The following BRD4 variants were observed in gnomAD, a reference collection of about 807,000 sequenced individuals.
BRD4 encodes bromodomain-containing protein 4.
BRD4 carries 16 observed loss-of-function variants against 142.1 expected under a neutral mutation model. That is an observed-to-expected ratio of 0.11 (90% CI 0.08 to 0.17). BRD4 has a LOEUF of 0.17. Ranked by LOEUF, BRD4 falls within the 10% of genes least tolerant of loss-of-function variation. The pLI, the probability that BRD4 is intolerant of heterozygous loss-of-function variation, is 1.00. For synonymous variants in BRD4, 833 were observed against 707.5 expected (o/e 1.18, Z -2.82); for missense variants, 1,424 against 1,810.9 (o/e 0.79, Z 3.88).
In BRD4 at chr19:15,239,614, C is replaced by T; in HGVS notation, c.3445+45G>A. On this transcript the variant is annotated intron_variant, in intron 16 of 19. Transcript: ENST00000679869. This position sits in a 1 kb window ranked among gnomAD's most constrained non-coding sequence, Gnocchi z 7.4. Reference sequence around the variant, plus strand: ...ACAGCAAGCTTATGTCCAACACGGGCCTCGGGGGGCCTGAGCCCTGGCTGT... The same window carrying T: ...ACAGCAAGCTTATGTCCAACACGGGTCTCGGGGGGCCTGAGCCCTGGCTGT... 1 of 1,556,764 alleles carries T rather than the reference C, an allele frequency of 6.4e-7. No homozygotes were observed. Among genetic ancestry groups the T allele is most frequent in the Non-Finnish European group, 8.6e-7 (1 of 1,160,052 alleles).
chr19:15,268,944 G>A lies in BRD4; in HGVS notation c.384C>T (p.Asp128=). 6.2e-7 allele frequency: 1 copy of A among 1,614,196 alleles called. No homozygotes were observed. The highest frequency in any genetic ancestry group is 2.2e-5 in the East Asian group (1 of 44,884). Residue 128 remains aspartate (D), a synonymous_variant, in exon 3 of 20, where the codon GAC becomes GAT. Coordinates refer to ENST00000679869, the MANE Select transcript of BRD4 (RefSeq NM_001379291.1). The part of the protein sequence containing the change: ...YYWNAQECIQ[D]FNTMFTNCYI... ...AACAATTTGTAAACATAGTGTTGAA[G>A]TCCTGGATACATTCCTGAGCATTCC...
chr19:15,261,321 TA>T (rs919389662), intron 7 of BRD4, among the ~76,000 whole-genome samples: 8 of 151,930 alleles, frequency 5.3e-5, no homozygotes, highest in African/African-American at 1.9e-4. Context: ...CCCTCTCTAC[TA>T]AAAAACAAAA....
intron 7 of BRD4, among the ~76,000 whole-genome samples, chr19:15,260,339 A>C (rs933244021): frequency 5.9e-5 from 9 of 152,246 alleles, no homozygotes; most frequent in Non-Finnish European, 1.0e-4. Flanking sequence ...GCTCCTGAAG[A>C]AGTGAGCAAG....
At chr19:15,312,555 G>A (rs771529883) in intron 1 of BRD4, among the ~76,000 whole-genome samples, 13 of 151,856 alleles carry the variant, frequency 8.6e-5, no homozygotes, top group Non-Finnish European at 1.5e-4. Context: ...TTGCTTGAAC[G>A]CGGGAGGCGG....
chr19:15,308,066 T>A lies in BRD4; in HGVS notation c.-35+24224A>T, dbSNP rs530128779. ...GAAACAGGCTGCAGTGAGCCAAGAC[T>A]GTGCCACTGCACTCCAGCCTGCACA... On this transcript the variant is annotated intron_variant, in intron 1 of 19. Transcript: ENST00000679869. Among the ~76,000 whole-genome samples, 851 of 130,674 alleles carry A rather than the reference T, an allele frequency of 6.5e-3. 9 individuals are homozygous for A. The highest frequency in any genetic ancestry group is 0.024 in the African/African-American group (807 of 33,858). 85.7% of individuals were successfully genotyped at this position (130,674 alleles called of 152,430 possible).
At chr19:15,257,300 CCTGT>C in intron 7 of BRD4, 127 bp from the exon 8 acceptor site, 2 of 920,252 alleles carry the variant, frequency 2.2e-6, no homozygotes, top group Non-Finnish European at 3.2e-6. Context: ...GGATGGTGAT[CCTGT>C]CTCTTTGCTG....
chr19:15,246,372 C>T (rs2047286276), intron 11 of BRD4: 1 of 152,296 alleles, frequency 6.6e-6, no homozygotes, highest in Admixed American at 6.5e-5. Flanking sequence ...GCCAGGGCTT[C>T]TCTCCTGGCA....
chr19:15,242,919 C>T lies in BRD4; in HGVS notation c.3150G>A (p.Lys1050=). ...IQHHHSPRHH[K]SDPYSTGHLR... ...ACTTACCGGTTGAGTAGGGGTCCGA[C>T]TTGTGGTGCCGGGGTGAATGGTGGT... is the stretch of plus-strand genomic sequence containing the variant. Residue 1050 remains lysine (K), a synonymous_variant, in exon 14 of 20, where the codon AAG becomes AAA. Coordinates refer to ENST00000679869, the MANE Select transcript of BRD4 (RefSeq NM_001379291.1). 6.3e-7 allele frequency: 1 copy of T among 1,592,196 alleles called. No individual in the cohort carries two copies. Among genetic ancestry groups the T allele is most frequent in the Non-Finnish European group, 8.5e-7 (1 of 1,170,494 alleles).
At chr19:15,254,751 C>T (rs2047387308) in intron 10 of BRD4, among the ~76,000 whole-genome samples, 1 of 152,082 alleles carries the variant, frequency 6.6e-6, no homozygotes, top group Admixed American at 6.5e-5. Context: ...CCAAGGACCC[C>T]AGGAGCTAGT....
intron 1 of BRD4, among the ~76,000 whole-genome samples, chr19:15,308,912 G>C (rs775625303): frequency 6.6e-5 from 10 of 151,904 alleles, no homozygotes; most frequent in Admixed American, 5.3e-4. Context: ...CTACTTGGGA[G>C]CCTGAGGCAG....
At position 15,267,522 on chromosome 19, in the gene BRD4, T is replaced by C. The variant is rs200383598; in HGVS notation, c.453A>G (p.Glu151=). The change falls in exon 4 of 20, where the codon GAA becomes GAG. Residue 151 remains glutamate, a synonymous_variant. Transcript: ENST00000679869. ...KPGDDIVLMA[E]ALEKLFLQKI... is the part of the protein sequence containing the mutation. ...TTTGCAAGAAGAGCTTTTCCAGAGC[T>C]TCTGCCATTAAGACTATGTCATCTC... The C allele has an allele frequency of 1.2e-5, 19 of 1,613,984 alleles. No individual in the cohort carries two copies. The highest frequency in any genetic ancestry group is 1.5e-5 in the Non-Finnish European group (18 of 1,180,034).
rs904959433 is a variant in BRD4, at chr19:15,236,219, T to C, written c.*2158A>G. The C allele has an allele frequency of 6.6e-6, 1 of 152,184 alleles. No individual in the cohort carries two copies. Among genetic ancestry groups the C allele is most frequent in the Non-Finnish European group, 1.5e-5 (1 of 68,050 alleles). 9.4% of individuals were successfully genotyped at this position (152,184 alleles called of 1,614,324 possible). On this transcript the variant is annotated 3_prime_UTR_variant, in exon 20 of 20. Transcript: ENST00000679869. ...CAATCAGTTTGTCTCTGCATACATA[T>C]AAATTATATACTTGTATCTTACATC... is the stretch of plus-strand genomic sequence containing the variant.
intron 1 of BRD4, among the ~76,000 whole-genome samples, chr19:15,309,976 G>A (rs1238968328): frequency 2.0e-5 from 3 of 152,148 alleles, no homozygotes; most frequent in Non-Finnish European, 2.9e-5. Context: ...GTCTGCTCAA[G>A]AGTTGGTAAG....
chr19:15,317,921 G>A (rs1240173503), intron 1 of BRD4, among the ~76,000 whole-genome samples: 2 of 152,230 alleles, frequency 1.3e-5, no homozygotes, highest in African/African-American at 4.8e-5. Context: ...TCAGCTGAAT[G>A]GTTTCCTACT....
At chr19:15,321,739 A>G (rs2048062940) in intron 1 of BRD4, among the ~76,000 whole-genome samples, 1 of 152,214 alleles carries the variant, frequency 6.6e-6, no homozygotes, top group Admixed American at 6.5e-5. Context: ...GAATAAAGTT[A>G]GGAGAATAAC....
chr19:15,241,937 C>G (rs1343732611), intron 14 of BRD4, among the ~76,000 whole-genome samples: 3 of 151,822 alleles, frequency 2.0e-5, no homozygotes, highest in African/African-American at 7.3e-5. Context: ...CTCAGCCTCC[C>G]AAGTGGCTGG....
rs2047195126 is a variant in BRD4 at position 15,236,809 on chromosome 19, C to G, written c.*1568G>C. 5.6e-6 allele frequency: 1 copy of G among 179,850 alleles called. No homozygotes were observed. The highest frequency in any genetic ancestry group is 1.2e-5 in the Non-Finnish European group (1 of 84,212). The allele number at this position is 179,850 out of a possible 1,614,324, so 11.1% of individuals were successfully genotyped here. A position where few individuals can be genotyped will look rare whatever the true frequency, so the allele number is the denominator to read the frequency against. ...GGCCTAGCCTAGGCAACAGTTGGTT[C>G]ACAAAGAAATGTCAGGGAGACGCCA... is the stretch of plus-strand genomic sequence containing the variant. On this transcript the variant is annotated 3_prime_UTR_variant, in exon 20 of 20. Coordinates refer to ENST00000679869, the MANE Select transcript of BRD4 (RefSeq NM_001379291.1).
chr19:15,254,302 G>A (rs201459406), intron 10 of BRD4, 40 bp from the exon 11 acceptor site: 2 of 1,566,214 alleles, frequency 1.3e-6, no homozygotes, highest in East Asian at 2.2e-5. Flanking sequence ...GCAGGGCTGT[G>A]GCCCAGGAAG....
chr19:15,280,928 T>A (rs1233277199), intron 1 of BRD4, among the ~76,000 whole-genome samples: 1 of 152,242 alleles, frequency 6.6e-6, no homozygotes, highest in East Asian at 1.9e-4. Flanking sequence ...CCTAGAAACA[T>A]CTTTGCTGAA....
Sources: allele counts gnomAD v4.1 joint callset (sites outside exome capture counted in the v4.1 genomes callset), GRCh38; gene constraint gnomAD v4.1.1; non-coding constraint Gnocchi (gnomAD v3.1); transcripts MANE v1.5; gene names NCBI Gene and HGNC (gene_info 2026-07-23, HGNC 2026-07-21).